MOB3A: variants seen among roughly 807,000 people sequenced by gnomAD.
MOB3A encodes the protein MOB kinase activator 3A.
MOB3A carries 17 observed loss-of-function variants against 17.8 expected under a neutral mutation model. The ratio of observed to expected loss-of-function variants is 0.95; its 90% CI spans 0.65 to 1.43. MOB3A has a LOEUF of 1.43. MOB3A is among the 40% of genes most tolerant of loss of function. The pLI is 0.00. For missense variants in MOB3A, 333 were observed against 310.8 expected (o/e 1.07, Z -0.54); for synonymous variants, 124 against 133.2 (o/e 0.93, Z 0.48).
chr19:2,078,739 G>A, intron 2 of MOB3A, 60 bp from the exon 3 acceptor site: 2 of 598,086 alleles, frequency 3.3e-6, no homozygotes, highest in Middle Eastern at 4.0e-4. Context: ...GGAAACTCGT[G>A]CTGAGGGCAC....
At position 2,073,268 on chromosome 19, in the gene MOB3A, C is replaced by G. The variant is rs911423623; in HGVS notation, c.*127G>C. 1 of 1,211,286 alleles carries G rather than the reference C, an allele frequency of 8.3e-7. No homozygotes were observed. Among genetic ancestry groups the G allele is most frequent in the East Asian group, 2.3e-5 (1 of 42,774 alleles). The allele number at this position is 1,211,286 out of a possible 1,614,324, so 75.0% of individuals were successfully genotyped here. ...CTCCTGAGGACCAACACCTGCTCAG[C>G]GGCTCGGCCCCTGGTCTCCCTGAGA... On this transcript the variant is annotated 3_prime_UTR_variant, in exon 5 of 5. Coordinates refer to ENST00000357066, the MANE Select transcript of MOB3A (RefSeq NM_130807.3).
intron 2 of MOB3A, among the ~76,000 whole-genome samples, chr19:2,083,088 C>T (rs1047607083): frequency 2.0e-5 from 3 of 152,246 alleles, no homozygotes; most frequent in Non-Finnish European, 4.4e-5. Flanking sequence ...CTCAAGCGAT[C>T]CATCCGCCTT....
intron 4 of MOB3A, among the ~76,000 whole-genome samples, chr19:2,075,673 T>C (rs533530182): frequency 1.3e-5 from 2 of 152,186 alleles, no homozygotes; most frequent in East Asian, 1.9e-4. Context: ...CGAGACACAA[T>C]TGTGGGCCCC....
chr19:2,091,865 C>CG (rs1203232219), intron 1 of MOB3A, among the ~76,000 whole-genome samples: 1 of 148,826 alleles, frequency 6.7e-6, no homozygotes, highest in African/African-American at 2.5e-5. Flanking sequence ...GGCGTGGTGG[C>CG]GGGCGCCTGT....
In MOB3A at chr19:2,078,341, G is replaced by A. The variant is rs1302564936; in HGVS notation, c.220C>T (p.Leu74Phe). The stretch of plus-strand genomic sequence containing the variant: ...CCGTCGCTGATGGTGCCGTAGATGA[G>A]GTTGACGCGGTTAAAGAAGTCCACC... ...HVVDFFNRVN[L>F]IYGTISDGCT... The change falls in exon 3 of 5, where the codon CTC (leucine) becomes TTC (phenylalanine). Residue 74 changes from leucine to phenylalanine, a missense_variant. Leu to Phe is a conservative substitution (Grantham distance 22). Transcript: ENST00000357066. The A allele has an allele frequency of 1.9e-6, 3 of 1,612,338 alleles. No individual in the cohort carries two copies. The highest frequency in any genetic ancestry group is 4.5e-5 in the East Asian group (2 of 44,898).
At chr19:2,091,263 G>A (rs1324964943) in intron 1 of MOB3A, among the ~76,000 whole-genome samples, 1 of 152,194 alleles carries the variant, frequency 6.6e-6, no homozygotes, top group Non-Finnish European at 1.5e-5. Flanking sequence ...TCATCCTTGT[G>A]TAACCCAGGA....
chr19:2,074,715 G>C (rs566301646), intron 4 of MOB3A, among the ~76,000 whole-genome samples: 2 of 151,496 alleles, frequency 1.3e-5, no homozygotes, highest in East Asian at 3.9e-4. Context: ...ACCATGCCTG[G>C]CTAATTTTTT....
chr19:2,083,178 C>A (rs2017511176), intron 2 of MOB3A, among the ~76,000 whole-genome samples: 1 of 152,172 alleles, frequency 6.6e-6, no homozygotes, highest in African/African-American at 2.4e-5. Context: ...AAGGAGTAAT[C>A]CCGCAGCCCA....
intron 1 of MOB3A, among the ~76,000 whole-genome samples, chr19:2,087,185 G>A (rs145260132): frequency 2.0e-5 from 3 of 152,336 alleles, no homozygotes; most frequent in African/African-American, 7.2e-5. Context: ...TTAGCATACT[G>A]TCCTAATTCT....
At chr19:2,087,354 C>A (rs1400277807) in intron 1 of MOB3A, among the ~76,000 whole-genome samples, 2 of 152,206 alleles carry the variant, frequency 1.3e-5, no homozygotes, top group Admixed American at 6.5e-5. Context: ...ACTTTCCTCA[C>A]CCCTAAAAGA....
chr19:2,081,498 G>C (rs555864674), intron 2 of MOB3A, among the ~76,000 whole-genome samples: 1 of 152,202 alleles, frequency 6.6e-6, no homozygotes, highest in African/African-American at 2.4e-5. Flanking sequence ...TGAGGCAGGA[G>C]AATCGCTTGA....
intron 3 of MOB3A, among the ~76,000 whole-genome samples, chr19:2,077,626 C>G (rs1012428868): frequency 1.4e-4 from 22 of 152,070 alleles, no homozygotes; most frequent in Non-Finnish European, 2.5e-4. Context: ...GGGCCCAGCA[C>G]TGGCAGGGGT....
chr19:2,095,626 C>T (rs539230532), intron 1 of MOB3A, among the ~76,000 whole-genome samples: 36 of 152,328 alleles, frequency 2.4e-4, no homozygotes, highest in Admixed American at 1.2e-3. Context: ...CCGGGGTAAT[C>T]GGTCTCCCCG....
intron 1 of MOB3A, among the ~76,000 whole-genome samples, chr19:2,085,926 T>C (rs532355047): frequency 2.2e-4 from 25 of 115,586 alleles, no homozygotes; most frequent in African/African-American, 7.7e-4. Flanking sequence ...ATTGTGCCAC[T>C]GCACTCCAGC....
chr19:2,086,237 G>A (rs1225639090), intron 1 of MOB3A, among the ~76,000 whole-genome samples: 1 of 151,802 alleles, frequency 6.6e-6, no homozygotes, highest in African/African-American at 2.4e-5. Context: ...GTGGGGTTTC[G>A]CCATGTTGGC....
In MOB3A at chr19:2,078,402, C is replaced by T. The variant is rs140916603; in HGVS notation, c.159G>A (p.Pro53=). ...LDLRLAVQLP[P]GEDLNDWVAV... ...CCACCCAGTCGTTCAGGTCCTCGCC[C>T]GGGGGCAACTGCACGGCCAGCCGCA... Residue 53 remains proline, a synonymous_variant, in exon 3 of 5, where the codon CCG becomes CCA. Transcript: ENST00000357066. The T allele has an allele frequency of 2.5e-4, 400 of 1,614,064 alleles. 2 individuals carry two copies. The highest frequency in any genetic ancestry group is 1.0e-3 in the East Asian group (46 of 44,890).
rs760343875 is a variant in MOB3A at position 2,078,166 on chromosome 19, T to C, written c.395A>G (p.Asn132Ser). ...AACGTTGGTGGGGAAGAGGTCCTCG[T>C]TGTTGATCTGCGCCTCGATCCAGTC... ...LMDWIEAQINNEDLFPTNVGT... is the reference protein window; with the variant it reads ...LMDWIEAQINSEDLFPTNVGT... The change falls in exon 3 of 5, where the codon AAC (asparagine) becomes AGC (serine). Residue 132 changes from asparagine to serine, a missense_variant. Coordinates refer to ENST00000357066, the MANE Select transcript of MOB3A (RefSeq NM_130807.3). The C allele has an allele frequency of 1.3e-6, 2 of 1,587,406 alleles. No homozygotes were observed. Among genetic ancestry groups the C allele is most frequent in the Admixed American group, 1.7e-5 (1 of 58,650 alleles).
chr19:2,092,943 G>C (rs975840421), intron 1 of MOB3A, among the ~76,000 whole-genome samples: 2 of 151,994 alleles, frequency 1.3e-5, no homozygotes, highest in African/African-American at 2.4e-5. Flanking sequence ...AGAAGTGAAG[G>C]CCTCCTCCCA....
intron 4 of MOB3A, among the ~76,000 whole-genome samples, chr19:2,074,951 T>A (rs543252797): frequency 6.6e-6 from 1 of 151,766 alleles, no homozygotes; most frequent in Non-Finnish European, 1.5e-5. Flanking sequence ...ACTCCTGACC[T>A]CATGAGCTGC....
Sources: allele counts gnomAD v4.1 joint callset (sites outside exome capture counted in the v4.1 genomes callset), GRCh38; gene constraint gnomAD v4.1.1; transcripts MANE v1.5; gene names NCBI Gene and HGNC (gene_info 2026-07-23, HGNC 2026-07-21).